Variants in KCMF1 observed in about 807,000 individuals in gnomAD.
The protein encoded by KCMF1 is E3 ubiquitin-protein ligase KCMF1.
In KCMF1, 3 loss-of-function variants were observed where a neutral mutation model predicts 41.1. That is an observed-to-expected ratio of 0.07 (90% CI 0.03 to 0.19). The LOEUF is 0.19. Among genes scored for constraint, KCMF1 ranks in the 10% least tolerant of loss-of-function variants. KCMF1 has a pLI of 1.00. For missense variants in KCMF1, 286 were observed against 488.9 expected, an observed-to-expected ratio of 0.58 and a Z score of 3.91; for synonymous variants, 142 against 164.5, an observed-to-expected ratio of 0.86 and a Z score of 1.04.
intron 1 of KCMF1, among the ~76,000 whole-genome samples, chr2:84,986,440 C>T (rs991706815): frequency 5.3e-5 from 8 of 152,098 alleles, no homozygotes; most frequent in Admixed American, 3.3e-4. Context: ...GAAGGGGATC[C>T]GCCAAGTGAG....
At chr2:85,047,543 T>C (rs17025827) in intron 5 of KCMF1, among the ~76,000 whole-genome samples, 15,671 of 150,830 alleles carry the variant, frequency 0.1, 1,480 homozygotes, top group East Asian at 0.42. Context: ...TTGAGAACTA[T>C]ATTGTTGTAG....
In KCMF1 at chr2:84,998,669, C is replaced by T. The variant is rs1024379318; in HGVS notation, c.16+27202C>T. 4.7e-5 allele frequency among the ~76,000 whole-genome samples: 7 copies of T among 149,578 alleles called. No homozygotes were observed. The East Asian group carries it at 1.4e-3, about 31-fold the overall frequency. On this transcript the variant is annotated intron_variant, in intron 1 of 6. Coordinates refer to ENST00000409785, the MANE Select transcript of KCMF1 (RefSeq NM_020122.5). ...AGGCTGGAGTGCAGTGATACGTGAT[C>T]CCGGTTCACTGCAACCTCTGCCTCT...
intron 1 of KCMF1, among the ~76,000 whole-genome samples, chr2:84,985,383 T>G (rs1673875605): frequency 6.6e-6 from 1 of 152,138 alleles, no homozygotes; most frequent in Non-Finnish European, 1.5e-5. Context: ...CCCAAACATC[T>G]CTAAGAACAT....
rs1261015957 is a variant in KCMF1 at position 85,056,721 on chromosome 2, G to A, written c.*3312G>A. 2 of 152,174 alleles carry A rather than the reference G, an allele frequency of 1.3e-5. No individual in the cohort carries two copies. The highest frequency in any genetic ancestry group is 2.4e-5 in the African/African-American group (1 of 41,436). The allele number at this position is 152,174 out of a possible 1,614,324, so 9.4% of individuals were successfully genotyped here. ...GGGTCTGATATGGCTTACTGATACA[G>A]GCATGTGTAAAAAACTAAGTGTGAT... On this transcript the variant is annotated 3_prime_UTR_variant, in exon 7 of 7. Coordinates refer to ENST00000409785, the MANE Select transcript of KCMF1 (RefSeq NM_020122.5).
intron 1 of KCMF1, among the ~76,000 whole-genome samples, chr2:84,979,835 T>G (rs1393837931): frequency 6.6e-6 from 1 of 152,076 alleles, no homozygotes; most frequent in African/African-American, 2.4e-5. Flanking sequence ...AATTTTTTTT[T>G]TTTTGAGACC....
At chr2:84,973,161 TAGAG>T (rs1466782831) in intron 1 of KCMF1, among the ~76,000 whole-genome samples, 1 of 152,216 alleles carries the variant, frequency 6.6e-6, no homozygotes, top group Non-Finnish European at 1.5e-5. Context: ...GAGGGTTAGT[TAGAG>T]AATCACAGCC....
At position 85,058,228 on chromosome 2, in the gene KCMF1, C is replaced by G. The variant is rs1041426454; in HGVS notation, c.*4819C>G. The G allele has an allele frequency of 6.6e-5, 10 of 152,102 alleles. No individual in the cohort carries two copies. Among genetic ancestry groups the G allele is most frequent in the African/African-American group, 2.4e-4 (10 of 41,376 alleles). 9.4% of individuals were successfully genotyped at this position (152,102 alleles called of 1,614,324 possible). On this transcript the variant is annotated 3_prime_UTR_variant, in exon 7 of 7. Transcript: ENST00000409785. ...TGAAACCCCATCTCTACTAAAAATA[C>G]GAAAATTAGCTGGGCTTGGTGGCAG...
intron 1 of KCMF1, among the ~76,000 whole-genome samples, chr2:85,004,232 C>T (rs188480972): frequency 1.7e-4 from 26 of 152,118 alleles, no homozygotes; most frequent in East Asian, 9.7e-4. Flanking sequence ...AACTTTGGGG[C>T]GGGGCGTGGT....
At chr2:85,010,478 G>C (rs1299200536) in intron 1 of KCMF1, among the ~76,000 whole-genome samples, 1 of 152,086 alleles carries the variant, frequency 6.6e-6, no homozygotes, top group East Asian at 1.9e-4. Flanking sequence ...CAATAAAAAA[G>C]ACTGTTCTAG....
At chr2:85,014,582 G>C (rs1553379973) in intron 1 of KCMF1, among the ~76,000 whole-genome samples, 1 of 150,772 alleles carries the variant, frequency 6.6e-6, no homozygotes, top group Non-Finnish European at 1.5e-5. Context: ...CCTAAACCAA[G>C]CTCTCTCTGC....
intron 2 of KCMF1, among the ~76,000 whole-genome samples, chr2:85,031,755 A>G (rs369941230): frequency 1.3e-5 from 2 of 152,074 alleles, no homozygotes; most frequent in South Asian, 2.1e-4. Flanking sequence ...TTATTTATCT[A>G]TCTATTTTGA....
intron 1 of KCMF1, among the ~76,000 whole-genome samples, chr2:84,972,765 G>A (rs941685936): frequency 6.6e-6 from 1 of 152,158 alleles, no homozygotes; most frequent in Non-Finnish European, 1.5e-5. Context: ...TAATTGCGAC[G>A]TTGAAATTGA....
intron 1 of KCMF1, among the ~76,000 whole-genome samples, chr2:85,015,806 A>G (rs1377880566): frequency 6.6e-6 from 1 of 152,234 alleles, no homozygotes; most frequent in African/African-American, 2.4e-5. Context: ...ACAAAGTAAT[A>G]TATGTAAGTC....
At chr2:84,983,052 C>T (rs1010928554) in intron 1 of KCMF1, among the ~76,000 whole-genome samples, 1 of 152,070 alleles carries the variant, frequency 6.6e-6, no homozygotes, top group Admixed American at 6.6e-5. Flanking sequence ...CATGTTTCTT[C>T]GTTATTCTAG....
intron 1 of KCMF1, among the ~76,000 whole-genome samples, chr2:84,978,243 C>T (rs183027442): frequency 3.1e-3 from 471 of 152,176 alleles, no homozygotes; most frequent in Non-Finnish European, 4.7e-3. Context: ...GTCATCCACC[C>T]GCCTCGGCCT....
intron 1 of KCMF1, among the ~76,000 whole-genome samples, chr2:85,017,125 C>T (rs1247463098): frequency 2.7e-5 from 4 of 150,268 alleles, no homozygotes; most frequent in African/African-American, 9.8e-5. Flanking sequence ...CCCGGGTTCA[C>T]GCCATTCTCC....
chr2:85,002,369 G>A (rs982447689), intron 1 of KCMF1, among the ~76,000 whole-genome samples: 7 of 152,168 alleles, frequency 4.6e-5, no homozygotes, highest in Non-Finnish European at 8.8e-5. Flanking sequence ...TACCATCAGA[G>A]AATCATCCTT....
intron 1 of KCMF1, among the ~76,000 whole-genome samples, chr2:84,974,685 ATATATATTTTTTTTTTTTT>A (rs1673496655): frequency 5.3e-5 from 2 of 37,958 alleles, no homozygotes; most frequent in South Asian, 3.0e-3. Context: ...ATATATATAT[ATATATATTTTTTTTTTTTT>A]TTTTTTTTTT....
intron 1 of KCMF1, among the ~76,000 whole-genome samples, chr2:85,000,138 G>A (rs1250285664): frequency 1.3e-5 from 2 of 151,980 alleles, no homozygotes; most frequent in Non-Finnish European, 2.9e-5. Flanking sequence ...TAACTAAGAC[G>A]ATATTGATTT....
Sources: gnomAD v4.1 joint callset for allele counts (sites outside exome capture counted in the v4.1 genomes callset) on GRCh38, gnomAD v4.1.1 for gene constraint, MANE v1.5 for transcripts, NCBI Gene and HGNC (gene_info 2026-07-23, HGNC 2026-07-21) for gene names.